BICD1: variants seen among roughly 807,000 people sequenced by gnomAD.
BICD1 encodes protein bicaudal D homolog 1.
A neutral mutation model predicts 92.5 loss-of-function variants in BICD1; 35 were observed. The observed-to-expected ratio is 0.38, with a 90% CI of 0.29 to 0.50. The LOEUF is 0.50. BICD1 is among the 20% of genes least tolerant of loss of function. The pLI, the probability that BICD1 is intolerant of heterozygous loss-of-function variation, is 0.93. For synonymous variants in BICD1, 429 were observed against 465.1 expected (o/e 0.92, Z 1.00); for missense variants, 950 against 1,189.8 (o/e 0.80, Z 2.97).
In BICD1 at chr12:32,247,860, G is replaced by A. The variant is rs188018743; in HGVS notation, c.426+31401G>A. On this transcript the variant is annotated intron_variant, in intron 2 of 9. Transcript: ENST00000652176. ...AGCACTTTGGGAGGCCAAGGCAGGC[G>A]GATCACCTGAGGTCAGGAGTTCAAG... Among the ~76,000 whole-genome samples, 613 of 150,756 alleles carry A rather than the reference G, an allele frequency of 4.1e-3. 2 individuals carry two copies. Among genetic ancestry groups the A allele is most frequent in the Non-Finnish European group, 6.7e-3 (453 of 67,712 alleles).
chr12:32,111,585 T>G lies in BICD1; in HGVS notation c.213+4041T>G, dbSNP rs1457155163. ...TATCTGAACTATGATTTTTAACTTC[T>G]CTCATTGTTTTTATTTTTTTATTTT... On this transcript the variant is annotated intron_variant, in intron 1 of 9. Transcript: ENST00000652176. 2.0e-5 allele frequency among the ~76,000 whole-genome samples: 3 copies of G among 152,124 alleles called. No homozygotes were observed. The East Asian group carries it at 5.8e-4, about 29-fold the overall frequency.
chr12:32,296,453 T>G (rs981031740), intron 3 of BICD1, among the ~76,000 whole-genome samples: 2 of 151,740 alleles, frequency 1.3e-5, no homozygotes, highest in Non-Finnish European at 2.9e-5. Context: ...GAGATGGGGT[T>G]TCAACGTGTT....
At chr12:32,121,956 G>A (rs899423147) in intron 1 of BICD1, among the ~76,000 whole-genome samples, 5 of 151,946 alleles carry the variant, frequency 3.3e-5, no homozygotes, top group African/African-American at 1.2e-4. Flanking sequence ...TGGGACTACA[G>A]GTGTGAGTCA....
intron 1 of BICD1, among the ~76,000 whole-genome samples, chr12:32,181,427 A>AC (rs1944270877): frequency 6.6e-6 from 1 of 151,840 alleles, no homozygotes; most frequent in South Asian, 2.1e-4. Flanking sequence ...CTCAAAAAAA[A>AC]AAAAATTTAC....
intron 7 of BICD1, 187 bp from the exon 8 acceptor site, chr12:32,338,599 G>T: frequency 1.9e-6 from 1 of 513,164 alleles, no homozygotes; most frequent in Non-Finnish European, 3.3e-6. Flanking sequence ...CCAGTATCCA[G>T]AACAGTTTCC....
chr12:32,171,790 T>C (rs1943946265), intron 1 of BICD1, among the ~76,000 whole-genome samples: 1 of 151,930 alleles, frequency 6.6e-6, no homozygotes, highest in South Asian at 2.1e-4. Flanking sequence ...AAAAATTAGC[T>C]GGGCATGGTG....
chr12:32,134,382 GT>G (rs1232302947), intron 1 of BICD1, among the ~76,000 whole-genome samples: 1 of 152,198 alleles, frequency 6.6e-6, no homozygotes, highest in Non-Finnish European at 1.5e-5. Context: ...TGTTTGTAAT[GT>G]GATGATAACG....
At chr12:32,180,877 T>C (rs1944252473) in intron 1 of BICD1, among the ~76,000 whole-genome samples, 1 of 151,978 alleles carries the variant, frequency 6.6e-6, no homozygotes, top group African/African-American at 2.4e-5. Flanking sequence ...CGCCCATCTG[T>C]ATCCCAGCTT....
chr12:32,339,380 A>G (rs1483995238), intron 8 of BICD1: 3 of 989,270 alleles, frequency 3.0e-6, no homozygotes, highest in East Asian at 2.3e-4. Flanking sequence ...TATGTATAAC[A>G]AGGCTTTTGG....
intron 8 of BICD1, among the ~76,000 whole-genome samples, chr12:32,348,695 C>T (rs1219912481): frequency 1.3e-4 from 19 of 144,494 alleles, no homozygotes; most frequent in Non-Finnish European, 2.7e-4. Flanking sequence ...TGCCCAAACC[C>T]GAAATGATGC....
intron 3 of BICD1, 47 bp from the exon 4 acceptor site, chr12:32,305,650 G>T: frequency 6.6e-7 from 1 of 1,525,278 alleles, no homozygotes; most frequent in South Asian, 1.3e-5. Flanking sequence ...AGTTTTGTAA[G>T]ATCCACATTT....
intron 1 of BICD1, among the ~76,000 whole-genome samples, chr12:32,148,548 C>T (rs1025918345): frequency 2.0e-5 from 3 of 152,122 alleles, no homozygotes; most frequent in African/African-American, 7.2e-5. Flanking sequence ...GAATGGAATA[C>T]AGTTTCCCAG....
rs1941525721 is a variant in BICD1, at chr12:32,107,502, T to C, written c.171T>C (p.Ala57=). 6.2e-7 allele frequency: 1 copy of C among 1,605,802 alleles called. No homozygotes were observed. Among genetic ancestry groups the C allele is most frequent in the Non-Finnish European group, 8.5e-7 (1 of 1,176,550 alleles). The change falls in exon 1 of 10, where the codon GCT becomes GCC. Residue 57 remains alanine, a synonymous_variant. Coordinates refer to ENST00000652176, the MANE Select transcript of BICD1 (RefSeq NM_001714.4). ...AACAGCAGTATGATGAACTGGAGGC[T>C]GAGTACGACAGCCTCAAACAGGAGC... is the stretch of plus-strand genomic sequence containing the variant. ...TLKQQYDELE[A]EYDSLKQELE...
In BICD1 at chr12:32,195,754, A is replaced by C. The variant is rs146164725; in HGVS notation, c.214-20493A>C. 5.4e-4 allele frequency among the ~76,000 whole-genome samples: 83 copies of C among 152,348 alleles called. 4 individuals carry two copies. The East Asian group carries it at 7.7e-3, about 14-fold the overall frequency. On this transcript the variant is annotated intron_variant, in intron 1 of 9. Transcript: ENST00000652176. Reference sequence around the variant, plus strand: ...TGGAAATGACAACAAAAGCACAGGCAACAAATGCAAAAATAATGAAATGGG... The same window carrying C: ...TGGAAATGACAACAAAAGCACAGGCCACAAATGCAAAAATAATGAAATGGG...
chr12:32,354,077 A>G (rs1436603873), intron 8 of BICD1: 1 of 152,214 alleles, frequency 6.6e-6, no homozygotes, highest in Non-Finnish European at 1.5e-5. Flanking sequence ...TAGAAAGCTG[A>G]CTGTACTGCA....
At chr12:32,367,252 G>A (rs1939558185) in intron 8 of BICD1, among the ~76,000 whole-genome samples, 1 of 152,154 alleles carries the variant, frequency 6.6e-6, no homozygotes, top group Non-Finnish European at 1.5e-5. Context: ...TGTCCTGATA[G>A]TAAAGTCAGT....
intron 3 of BICD1, among the ~76,000 whole-genome samples, chr12:32,301,076 A>G (rs574025685): frequency 2.6e-5 from 4 of 152,110 alleles, no homozygotes; most frequent in Non-Finnish European, 5.9e-5. Context: ...TTCTCCTTTC[A>G]TAAGGAGGTA....
chr12:32,149,731 G>A (rs1943231597), intron 1 of BICD1, among the ~76,000 whole-genome samples: 1 of 152,168 alleles, frequency 6.6e-6, no homozygotes, highest in South Asian at 2.1e-4. Flanking sequence ...CAAGGCATCA[G>A]CAGATTCAGT....
At chr12:32,108,642 C>G (rs1349689508) in intron 1 of BICD1, 1 of 694,660 alleles carries the variant, frequency 1.4e-6, no homozygotes, top group Non-Finnish European at 2.6e-6. Context: ...TATGCTGTTA[C>G]AGTTAAAAGA....
Sources: allele counts gnomAD v4.1 joint callset (sites outside exome capture counted in the v4.1 genomes callset), GRCh38; gene constraint gnomAD v4.1.1; transcripts MANE v1.5; gene names NCBI Gene and HGNC (gene_info 2026-07-23, HGNC 2026-07-21).